Variants in LRRTM4 observed in about 807,000 individuals in gnomAD.
LRRTM4 encodes the protein leucine rich repeat transmembrane neuronal 4.
In LRRTM4, 25 loss-of-function variants were observed where a neutral mutation model predicts 47.6. The observed-to-expected ratio is 0.53, with a 90% CI of 0.38 to 0.73. The LOEUF (loss-of-function observed/expected upper bound fraction) is 0.73. Ranked by LOEUF, LRRTM4 falls within the 30% of genes least tolerant of loss-of-function variation. The probability of loss-of-function intolerance (pLI) is 0.00; values close to 1 mark genes in which losing one functional copy is unlikely to be tolerated. For missense variants in LRRTM4, 638 were observed against 713.4 expected (o/e 0.89, Z 1.20); for synonymous variants, 311 against 269.5 (o/e 1.15, Z -1.51).
At chr2:77,033,278 A>G (rs1332904156) in intron 3 of LRRTM4, among the ~76,000 whole-genome samples, 2 of 151,934 alleles carry the variant, frequency 1.3e-5, no homozygotes, top group African/African-American at 4.8e-5. Context: ...TCAAGAAAGC[A>G]TTGAATTTAT....
Position 77,386,993 on chromosome 2 carries a change from C to T in LRRTM4, c.1551+131325G>A, listed in dbSNP as rs549087836. Among the ~76,000 whole-genome samples the T allele has an allele frequency of 4.6e-5, 7 of 152,146 alleles. No homozygotes were observed. In the South Asian group the frequency reaches 1.2e-3, roughly 27 times the overall value. On this transcript the variant is annotated intron_variant, in intron 3 of 3. Coordinates refer to ENST00000409884, the MANE Select transcript of LRRTM4 (RefSeq NM_001134745.3). The stretch of plus-strand genomic sequence containing the variant: ...TTCACTCAATTTTAAGGTCTCATGC[C>T]AATTACTTCTCAATTTACTGTACTG...
At chr2:77,267,197 G>A (rs1356277234) in intron 3 of LRRTM4, among the ~76,000 whole-genome samples, 1 of 152,142 alleles carries the variant, frequency 6.6e-6, no homozygotes, top group African/African-American at 2.4e-5. Context: ...ATATTTAAAG[G>A]ATTAATCCAG....
intron 3 of LRRTM4, among the ~76,000 whole-genome samples, chr2:76,835,681 T>C (rs558372193): frequency 6.6e-6 from 1 of 152,082 alleles, no homozygotes; most frequent in Non-Finnish European, 1.5e-5. Flanking sequence ...GTTTGGTAAC[T>C]TGACTATTTG....
intron 3 of LRRTM4, among the ~76,000 whole-genome samples, chr2:77,135,355 C>T (rs1308370883): frequency 6.6e-6 from 1 of 152,190 alleles, no homozygotes; most frequent in Non-Finnish European, 1.5e-5. Context: ...TGCCCATGCC[C>T]CCTTCTGTTT....
intron 3 of LRRTM4, 89 bp downstream of exon 3, chr2:77,518,229 T>C (rs1679300411): frequency 7.1e-7 from 1 of 1,408,538 alleles, no homozygotes; most frequent in Non-Finnish European, 9.2e-7. Flanking sequence ...CATTAATCTT[T>C]CTAGTGATTA....
intron 3 of LRRTM4, among the ~76,000 whole-genome samples, chr2:76,849,924 ATGAT>A (rs1285374156): frequency 1.3e-5 from 2 of 152,126 alleles, no homozygotes; most frequent in Non-Finnish European, 2.9e-5. Context: ...GAAAAGAAAG[ATGAT>A]TGGTAGTTGA....
intron 3 of LRRTM4, among the ~76,000 whole-genome samples, chr2:77,116,139 C>T (rs930605215): frequency 2.0e-5 from 3 of 151,924 alleles, no homozygotes; most frequent in Non-Finnish European, 2.9e-5. Flanking sequence ...GTAGTGTCAA[C>T]GTTTAGGAGC....
intron 3 of LRRTM4, among the ~76,000 whole-genome samples, chr2:77,317,747 A>G (rs1444907348): frequency 6.6e-6 from 1 of 152,112 alleles, no homozygotes; most frequent in Non-Finnish European, 1.5e-5. Flanking sequence ...ATCTTGTAAT[A>G]AATACATTTG....
At chr2:77,042,419 ATTT>A (rs952118992) in intron 3 of LRRTM4, among the ~76,000 whole-genome samples, 11 of 151,672 alleles carry the variant, frequency 7.3e-5, no homozygotes, top group East Asian at 3.9e-4. Context: ...ATAAAAAGTT[ATTT>A]TTTAAAAAGT....
At chr2:77,138,503 C>T (rs1208427190) in intron 3 of LRRTM4, among the ~76,000 whole-genome samples, 2 of 152,028 alleles carry the variant, frequency 1.3e-5, no homozygotes, top group Non-Finnish European at 2.9e-5. Flanking sequence ...GCACCAAATG[C>T]CCACAAGAAA....
At chr2:76,812,060 A>C (rs921287859) in intron 3 of LRRTM4, among the ~76,000 whole-genome samples, 24 of 152,210 alleles carry the variant, frequency 1.6e-4, no homozygotes, top group Non-Finnish European at 3.1e-4. Flanking sequence ...AAAACATTAA[A>C]ATAACTTATA....
chr2:76,766,826 G>A (rs934603894), intron 3 of LRRTM4, among the ~76,000 whole-genome samples: 1 of 152,114 alleles, frequency 6.6e-6, no homozygotes, highest in South Asian at 2.1e-4. Context: ...GGCAAGGGGT[G>A]TTTCTAAACA....
intron 3 of LRRTM4, among the ~76,000 whole-genome samples, chr2:77,389,857 C>T (rs922663706): frequency 6.6e-6 from 1 of 151,968 alleles, no homozygotes; most frequent in African/African-American, 2.4e-5. Context: ...TAATATGTGG[C>T]AGACACTGCT....
chr2:76,998,524 C>T (rs576246405), intron 3 of LRRTM4, among the ~76,000 whole-genome samples: 41 of 152,060 alleles, frequency 2.7e-4, no homozygotes, highest in Non-Finnish European at 4.6e-4. Flanking sequence ...ACAGTAACAA[C>T]AATAATGTCA....
At chr2:77,089,726 C>T (rs1233160022) in intron 3 of LRRTM4, among the ~76,000 whole-genome samples, 1 of 152,086 alleles carries the variant, frequency 6.6e-6, no homozygotes, top group Non-Finnish European at 1.5e-5. Context: ...GACCTAAAAC[C>T]TAAATGCCTT....
At chr2:77,466,766 T>C (rs1202069926) in intron 3 of LRRTM4, among the ~76,000 whole-genome samples, 1 of 148,694 alleles carries the variant, frequency 6.7e-6, no homozygotes, top group Non-Finnish European at 1.5e-5. Flanking sequence ...TGGCATGAAC[T>C]CAGCTTACTG....
At chr2:77,265,394 G>A (rs1676024542) in intron 3 of LRRTM4, among the ~76,000 whole-genome samples, 1 of 152,020 alleles carries the variant, frequency 6.6e-6, no homozygotes, top group African/African-American at 2.4e-5. Context: ...TATTCTGGGT[G>A]TTAGAGTCTT....
At chr2:77,255,867 A>T (rs115474153) in intron 3 of LRRTM4, among the ~76,000 whole-genome samples, 4,613 of 152,194 alleles carry the variant, frequency 0.03, 255 homozygotes, top group African/African-American at 0.11. Context: ...GAACTAGAAA[A>T]AGAAAAGCAA....
intron 3 of LRRTM4, among the ~76,000 whole-genome samples, chr2:77,115,400 G>A (rs963222344): frequency 2.0e-5 from 3 of 152,132 alleles, no homozygotes; most frequent in Non-Finnish European, 4.4e-5. Context: ...CAATCAATTT[G>A]TGCAATAGTG....
Sources: allele counts gnomAD v4.1 joint callset (sites outside exome capture counted in the v4.1 genomes callset), GRCh38; gene constraint gnomAD v4.1.1; transcripts MANE v1.5; gene names NCBI Gene and HGNC (gene_info 2026-07-23, HGNC 2026-07-21).